NEK11: variants seen among roughly 807,000 people sequenced by gnomAD.
NEK11 encodes serine/threonine-protein kinase Nek11.
A neutral mutation model predicts 80.7 loss-of-function variants in NEK11; 72 were observed. The observed-to-expected ratio is 0.89, with a 90% confidence interval of 0.74 to 1.08. The LOEUF is 1.08. NEK11 is among the 50% of genes least tolerant of loss of function. The probability of loss-of-function intolerance (pLI) is 0.00; values close to 1 mark genes in which losing one functional copy is unlikely to be tolerated. For synonymous variants in NEK11, 251 were observed against 260.7 expected (o/e 0.96, Z 0.36); for missense variants, 764 against 763.6 (o/e 1.00, Z -0.01).
At chr3:131,121,030 G>A (rs1039190805) in intron 5 of NEK11, among the ~76,000 whole-genome samples, 1 of 152,208 alleles carries the variant, frequency 6.6e-6, no homozygotes, top group Non-Finnish European at 1.5e-5. Flanking sequence ...TTGCTAGCGA[G>A]GAGCTGAGTT....
intron 14 of NEK11, among the ~76,000 whole-genome samples, chr3:131,205,430 T>A (rs892614948): frequency 6.6e-6 from 1 of 152,036 alleles, no homozygotes; most frequent in African/African-American, 2.4e-5. Flanking sequence ...GAATCAAGTG[T>A]CAGGAAAAAA....
At chr3:131,191,427 G>A (rs1338686141) in intron 14 of NEK11, among the ~76,000 whole-genome samples, 1 of 152,114 alleles carries the variant, frequency 6.6e-6, no homozygotes, top group East Asian at 1.9e-4. Context: ...ACTGGACCAA[G>A]CCCTTCTGAT....
At chr3:131,203,322 C>T (rs1014211625) in intron 14 of NEK11, among the ~76,000 whole-genome samples, 13 of 151,214 alleles carry the variant, frequency 8.6e-5, no homozygotes, top group African/African-American at 1.9e-4. Context: ...AGCAAACTAT[C>T]GCAAGGACAA....
At chr3:131,146,572 C>T (rs2088322245) in intron 7 of NEK11, among the ~76,000 whole-genome samples, 1 of 152,104 alleles carries the variant, frequency 6.6e-6, no homozygotes, top group Admixed American at 6.6e-5. Flanking sequence ...TATATTGTGG[C>T]AATTCATAAC....
At chr3:131,305,105 A>G (rs2096709001) in intron 17 of NEK11, among the ~76,000 whole-genome samples, 1 of 144,606 alleles carries the variant, frequency 6.9e-6, no homozygotes, top group South Asian at 2.4e-4. Context: ...ACATTGGTGG[A>G]GGGGGCAGTG....
At chr3:131,118,962 C>G (rs1381654513) in intron 5 of NEK11, among the ~76,000 whole-genome samples, 1 of 152,090 alleles carries the variant, frequency 6.6e-6, no homozygotes, top group Non-Finnish European at 1.5e-5. Flanking sequence ...TTTTGTGTCT[C>G]TATCTTCTTC....
chr3:131,033,396 A>C (rs1290991297), intron 3 of NEK11, among the ~76,000 whole-genome samples: 1 of 152,202 alleles, frequency 6.6e-6, no homozygotes, highest in East Asian at 1.9e-4. Flanking sequence ...CTATTCCTTC[A>C]ACACATCAGA....
chr3:131,168,924 A>G lies in NEK11; in HGVS notation c.1271A>G (p.Gln424Arg), dbSNP rs1228721987. 6.2e-7 allele frequency: 1 copy of G among 1,613,572 alleles called. No homozygotes were observed. The highest frequency in any genetic ancestry group is 1.3e-5 in the African/African-American group (1 of 74,886). ...SPQDEDEERW[Q>R]GREEESDEPT... ...CAGGACGAGGATGAAGAGAGGTGGC[A>G]AGGCAGGGAAGAGGCAAGTTTAATC... Residue 424 changes from glutamine to arginine, a missense_variant, in exon 13 of 18, where the codon CAA (glutamine) becomes CGA (arginine). Physicochemically the swap from Gln to Arg is conservative, Grantham distance 43. Coordinates refer to ENST00000383366, the MANE Select transcript of NEK11 (RefSeq NM_024800.5).
intron 17 of NEK11, chr3:131,327,386 G>A (rs898733319): frequency 7.9e-5 from 12 of 152,254 alleles, no homozygotes; most frequent in African/African-American, 2.7e-4. Context: ...TCCTCTCAAT[G>A]GGAGTTGGAG....
At chr3:131,058,257 T>A (rs536327249) in intron 3 of NEK11, among the ~76,000 whole-genome samples, 10 of 152,322 alleles carry the variant, frequency 6.6e-5, no homozygotes, top group African/African-American at 2.2e-4. Flanking sequence ...TGTCTCTGTT[T>A]TGGTACCAGT....
At chr3:131,069,174 C>A (rs1027186582) in intron 3 of NEK11, among the ~76,000 whole-genome samples, 15 of 152,158 alleles carry the variant, frequency 9.9e-5, no homozygotes, top group African/African-American at 3.6e-4. Flanking sequence ...TAAACAACTT[C>A]TTGCCTAGAT....
At chr3:131,333,079 A>G (rs2097121163) in intron 17 of NEK11, among the ~76,000 whole-genome samples, 1 of 152,228 alleles carries the variant, frequency 6.6e-6, no homozygotes, top group Admixed American at 6.5e-5. Flanking sequence ...CCAATCTAGC[A>G]AGGCAGGCCA....
chr3:131,190,363 G>A (rs1415592757), intron 14 of NEK11, among the ~76,000 whole-genome samples: 2 of 152,132 alleles, frequency 1.3e-5, no homozygotes, highest in African/African-American at 2.4e-5. Context: ...CTGGTGGGAG[G>A]TATTTGGATC....
intron 7 of NEK11, among the ~76,000 whole-genome samples, chr3:131,135,086 A>G (rs897979966): frequency 6.6e-6 from 1 of 152,112 alleles, no homozygotes; most frequent in Non-Finnish European, 1.5e-5. Flanking sequence ...AGAAAATTAC[A>G]TTTTCTCTGG....
intron 17 of NEK11, among the ~76,000 whole-genome samples, chr3:131,333,891 A>G (rs1288285652): frequency 6.6e-6 from 1 of 152,244 alleles, no homozygotes; most frequent in Non-Finnish European, 1.5e-5. Flanking sequence ...ATAATGGTAA[A>G]GGGATCAATT....
intron 17 of NEK11, among the ~76,000 whole-genome samples, chr3:131,278,114 T>G (rs1300400987): frequency 6.6e-6 from 1 of 152,232 alleles, no homozygotes; most frequent in Non-Finnish European, 1.5e-5. Context: ...AAAGTGCTAG[T>G]GCCAATTCTC....
At chr3:131,237,257 G>A (rs2095445929) in intron 15 of NEK11, among the ~76,000 whole-genome samples, 2 of 152,070 alleles carry the variant, frequency 1.3e-5, no homozygotes, top group Non-Finnish European at 2.9e-5. Flanking sequence ...CATCACTTGA[G>A]CCCAAGAGGT....
At chr3:131,253,599 A>T (rs572840498) in intron 16 of NEK11, among the ~76,000 whole-genome samples, 1 of 152,232 alleles carries the variant, frequency 6.6e-6, no homozygotes, top group African/African-American at 2.4e-5. Context: ...AATGTCACAG[A>T]TAGAGTGGCG....
intron 3 of NEK11, among the ~76,000 whole-genome samples, chr3:131,050,973 C>T (rs1484094557): frequency 1.3e-5 from 2 of 152,170 alleles, no homozygotes; most frequent in African/African-American, 2.4e-5. Flanking sequence ...GTCAAGGCTG[C>T]AGTGAACTAG....
Sources: allele counts gnomAD v4.1 joint callset (sites outside exome capture counted in the v4.1 genomes callset), GRCh38; gene constraint gnomAD v4.1.1; transcripts MANE v1.5; gene names NCBI Gene and HGNC (gene_info 2026-07-23, HGNC 2026-07-21).